Variants in MGA observed in about 807,000 individuals in gnomAD.
MGA encodes MAX dimerization protein MGA.
MGA carries 40 observed loss-of-function variants against 261.1 expected under a neutral mutation model. That is an observed-to-expected ratio of 0.15 (90% CI 0.12 to 0.20). The LOEUF (loss-of-function observed/expected upper bound fraction) is 0.20. MGA is among the 10% of genes least tolerant of loss of function. The probability of loss-of-function intolerance (pLI) is 1.00; values close to 1 mark genes in which losing one functional copy is unlikely to be tolerated. For synonymous variants in MGA, 1,302 were observed against 1,290.6 expected (o/e 1.01, Z -0.19); for missense variants, 3,397 against 3,630.5 (o/e 0.94, Z 1.65).
intron 2 of MGA, among the ~76,000 whole-genome samples, chr15:41,671,936 G>A (rs1867417): frequency 0.76 from 114,958 of 152,118 alleles, 44,657 homozygotes; most frequent in East Asian, 0.89. Context: ...TGTAATTGCA[G>A]CTGGTGGATG....
At chr15:41,652,305 T>TCTG (rs2057082162) in intron 1 of MGA, among the ~76,000 whole-genome samples, 1 of 70,682 alleles carries the variant, frequency 1.4e-5, no homozygotes, top group Non-Finnish European at 2.8e-5. Context: ...TCCCCTCCCC[T>TCTG]CTGCCCTCCC....
At chr15:41,712,384 T>C in intron 8 of MGA, among the ~76,000 whole-genome samples, 1 of 152,142 alleles carries the variant, frequency 6.6e-6, no homozygotes. Flanking sequence ...GCTAATTTTT[T>C]GTATTATATT....
intron 17 of MGA, 101 bp downstream of exon 17, chr15:41,750,716 A>G: frequency 1.9e-6 from 2 of 1,072,898 alleles, no homozygotes; most frequent in Non-Finnish European, 2.6e-6. Context: ...AATACATTTA[A>G]TTGGATGCCT....
upstream of MGA, among the ~76,000 whole-genome samples, chr15:41,657,034 C>A (rs576692059): frequency 4.6e-5 from 7 of 152,184 alleles, no homozygotes; most frequent in South Asian, 8.5e-4. Flanking sequence ...TCTGCCTCTG[C>A]CTCCCAAAGT....
In MGA at chr15:41,743,539, A is replaced by G. The variant is rs535075524; in HGVS notation, c.5212+367A>G. Among the ~76,000 whole-genome samples, 3 of 152,350 alleles carry G rather than the reference A, an allele frequency of 2.0e-5. No individual in the cohort carries two copies. The South Asian group carries it at 6.2e-4, about 32-fold the overall frequency. ...ACAATGGAAGTGGTGGCTGAAGGATACTGAAGTAATGCAGGTAAGACTGGA... is the reference window on the plus strand; with the variant it reads ...ACAATGGAAGTGGTGGCTGAAGGATGCTGAAGTAATGCAGGTAAGACTGGA... On this transcript the variant is annotated intron_variant, in intron 15 of 23. Coordinates refer to ENST00000219905, the MANE Select transcript of MGA (RefSeq NM_001164273.2).
chr15:41,696,754 G>T lies in MGA; in HGVS notation c.1744G>T (p.Asp582Tyr). Residue 582 changes from aspartate to tyrosine, a missense_variant, in exon 3 of 24, where the codon GAC (aspartate) becomes TAC (tyrosine). Asp to Tyr is a radical substitution (Grantham distance 160). Transcript: ENST00000219905. ...TGGAGACTCACTTTCAGGAAAAGAG[G>T]ACTTGGGCAGAAAGAGAACAACTAT... 6.2e-7 allele frequency: 1 copy of T among 1,610,444 alleles called. No individual in the cohort carries two copies. Among genetic ancestry groups the T allele is most frequent in the South Asian group, 1.1e-5 (1 of 90,356 alleles).
rs1254175045 is a variant in MGA at position 41,766,865 on chromosome 15, T to C, written c.8783T>C (p.Ile2928Thr). 6.2e-7 allele frequency: 1 copy of C among 1,613,876 alleles called. No homozygotes were observed. The highest frequency in any genetic ancestry group is 1.3e-5 in the African/African-American group (1 of 74,920). Residue 2928 changes from isoleucine to threonine, a missense_variant, in exon 24 of 24, where the codon ATT becomes ACT. Physicochemically the swap from Ile to Thr is moderately conservative, Grantham distance 89. Around this residue, in one of 9 missense-constraint regions of MGA, gnomAD observed 647 missense variants for 642.4 expected, o/e 1.01. Coordinates refer to ENST00000219905, the MANE Select transcript of MGA (RefSeq NM_001164273.2). ...GCCTCTGAGCCAGATGTCCTTAAGA[T>C]TGTTATTGACTCTGAAATAAAGGAT...
At chr15:41,653,329 A>G (rs2150734159) in intron 1 of MGA, among the ~76,000 whole-genome samples, 1 of 151,810 alleles carries the variant, frequency 6.6e-6, no homozygotes, top group East Asian at 1.9e-4. Context: ...AGATCATGCC[A>G]TTGCACTCCA....
chr15:41,661,566 C>T (rs559448636), intron 1 of MGA, among the ~76,000 whole-genome samples: 6 of 152,234 alleles, frequency 3.9e-5, no homozygotes, highest in African/African-American at 1.4e-4. Context: ...TTACTGATGG[C>T]AGACCAACAC....
intron 5 of MGA, among the ~76,000 whole-genome samples, chr15:41,702,046 T>G (rs1313669688): frequency 5.3e-5 from 8 of 152,056 alleles, no homozygotes; most frequent in African/African-American, 1.7e-4. Flanking sequence ...TGGGCCAGGC[T>G]CGGTGGCTCA....
intron 2 of MGA, among the ~76,000 whole-genome samples, chr15:41,681,178 A>G (rs1325298704): frequency 6.6e-6 from 1 of 152,214 alleles, no homozygotes; most frequent in Non-Finnish European, 1.5e-5. Context: ...GATGAAAAAT[A>G]GTAGTGACTT....
At position 41,767,108 on chromosome 15, in the gene MGA, A is replaced by G. The variant is rs776920533; in HGVS notation, c.9026A>G (p.Lys3009Arg). ...AGTGATGCAGATGGTCAGAGTCTCAAGGTGATGCCTTGTTTGGCACCTATA... is the reference window on the plus strand; with the variant it reads ...AGTGATGCAGATGGTCAGAGTCTCAGGGTGATGCCTTGTTTGGCACCTATA... Residue 3009 changes from lysine (K) to arginine (R), a missense_variant, in exon 24 of 24, where the codon AAG becomes AGG. Physicochemically the swap from Lys to Arg is conservative, Grantham distance 26. Around this residue, in one of 9 missense-constraint regions of MGA, gnomAD observed 647 missense variants for 642.4 expected, o/e 1.01. Coordinates refer to ENST00000219905, the MANE Select transcript of MGA (RefSeq NM_001164273.2). 1 of 1,614,048 alleles carries G rather than the reference A, an allele frequency of 6.2e-7. No homozygotes were observed. Among genetic ancestry groups the G allele is most frequent in the South Asian group, 1.1e-5 (1 of 91,078 alleles).
At chr15:41,749,071 A>C (rs2062680639) in intron 16 of MGA, 40 bp from the exon 17 acceptor site, 4 of 1,576,758 alleles carry the variant, frequency 2.5e-6, no homozygotes, top group African/African-American at 1.4e-5. Context: ...TGATATGGGC[A>C]GTCATGATTT....
At chr15:41,721,199 G>A (rs1014582451) in intron 9 of MGA, among the ~76,000 whole-genome samples, 1 of 152,176 alleles carries the variant, frequency 6.6e-6, no homozygotes, top group Non-Finnish European at 1.5e-5. Context: ...TGGGCACGGT[G>A]TCTCACGCCT....
intron 11 of MGA, among the ~76,000 whole-genome samples, chr15:41,733,929 T>TTTTA (rs1022898527): frequency 6.6e-6 from 1 of 151,642 alleles, no homozygotes; most frequent in Non-Finnish European, 1.5e-5. Flanking sequence ...TTTCTTTTTT[T>TTTTA]TTTCGAGATA....
At chr15:41,730,179 C>A (rs1011558031) in intron 11 of MGA, among the ~76,000 whole-genome samples, 1 of 152,144 alleles carries the variant, frequency 6.6e-6, no homozygotes, top group Admixed American at 6.5e-5. Flanking sequence ...CAGGCGTGAG[C>A]CACTGCACCC....
At chr15:41,676,912 A>T (rs1446484316) in intron 2 of MGA, among the ~76,000 whole-genome samples, 1 of 152,166 alleles carries the variant, frequency 6.6e-6, no homozygotes, top group African/African-American at 2.4e-5. Flanking sequence ...CATAACATCT[A>T]CCTGGTTTCC....
chr15:41,698,171 C>CTT (rs11442137), intron 3 of MGA, among the ~76,000 whole-genome samples: 5,177 of 115,918 alleles, frequency 0.045, 269 homozygotes, highest in African/African-American at 0.094. Flanking sequence ...CCCCTGGCCT[C>CTT]TTTTTTTTTT....
chr15:41,642,759 C>CCA (rs1176101770), intron 1 of MGA, among the ~76,000 whole-genome samples: 1 of 152,094 alleles, frequency 6.6e-6, no homozygotes, highest in Non-Finnish European at 1.5e-5. Flanking sequence ...CAGGCATGAG[C>CCA]CACTGTACCC....
Sources: gnomAD v4.1 joint callset for allele counts (sites outside exome capture counted in the v4.1 genomes callset) on GRCh38, gnomAD v4.1.1 for gene constraint, gnomAD v4.1.1 regional missense constraint, MANE v1.5 for transcripts, NCBI Gene and HGNC (gene_info 2026-07-23, HGNC 2026-07-21) for gene names.